CCDC6: variants seen among roughly 807,000 people sequenced by gnomAD.
The protein encoded by CCDC6 is coiled-coil domain containing 6.
CCDC6 carries 20 observed loss-of-function variants against 56.6 expected under a neutral mutation model. The ratio of observed to expected loss-of-function variants is 0.35; its 90% CI spans 0.25 to 0.51. The LOEUF is 0.51. Among genes scored for constraint, CCDC6 ranks in the 20% least tolerant of loss-of-function variants. The probability of loss-of-function intolerance (pLI) is 0.95; values close to 1 mark genes in which losing one functional copy is unlikely to be tolerated. For synonymous variants in CCDC6, 241 were observed against 234.4 expected, an observed-to-expected ratio of 1.03 and a Z score of -0.26; for missense variants, 367 against 601.1, an observed-to-expected ratio of 0.61 and a Z score of 4.07.
chr10:59,810,609 T>C (rs533742018), intron 5 of CCDC6, among the ~76,000 whole-genome samples: 7 of 152,298 alleles, frequency 4.6e-5, no homozygotes, highest in African/African-American at 1.4e-4. Context: ...TGAGAACTAT[T>C]TGATATATCT....
intron 3 of CCDC6, among the ~76,000 whole-genome samples, chr10:59,827,057 T>C (rs776045414): frequency 6.2e-4 from 94 of 152,248 alleles, no homozygotes; most frequent in Admixed American, 3.5e-3. Flanking sequence ...AAATACCTCA[T>C]AGCACAGACA....
chr10:59,793,541 T>C (rs1380582915), intron 8 of CCDC6, among the ~76,000 whole-genome samples: 1 of 152,162 alleles, frequency 6.6e-6, no homozygotes, highest in Non-Finnish European at 1.5e-5. Flanking sequence ...CCTAGCACTT[T>C]AGGAGGTAGA....
intron 3 of CCDC6, among the ~76,000 whole-genome samples, chr10:59,828,536 C>T (rs1456137953): frequency 1.3e-5 from 2 of 152,154 alleles, no homozygotes; most frequent in Non-Finnish European, 2.9e-5. Context: ...GATGACATTG[C>T]CTTTACTTTT....
chr10:59,801,233 T>C (rs942580388), intron 7 of CCDC6, among the ~76,000 whole-genome samples: 2 of 152,196 alleles, frequency 1.3e-5, no homozygotes, highest in South Asian at 4.1e-4. Flanking sequence ...CAGGCACTTT[T>C]CCTTCCTATT....
chr10:59,861,037 A>C (rs927426373), intron 1 of CCDC6, among the ~76,000 whole-genome samples: 11 of 152,122 alleles, frequency 7.2e-5, no homozygotes, highest in African/African-American at 2.7e-4. Flanking sequence ...TCTACTAAAA[A>C]TGCAAAAACT....
chr10:59,848,562 C>T (rs1564748022), intron 2 of CCDC6, among the ~76,000 whole-genome samples: 1 of 152,124 alleles, frequency 6.6e-6, no homozygotes, highest in Non-Finnish European at 1.5e-5. Flanking sequence ...CCTGTAATCC[C>T]AGCTACCTGG....
intron 2 of CCDC6, among the ~76,000 whole-genome samples, chr10:59,849,502 C>T (rs1198343190): frequency 6.6e-6 from 1 of 152,208 alleles, no homozygotes; most frequent in Non-Finnish European, 1.5e-5. Context: ...CAGGAAGGGA[C>T]ACGTCTCTTC....
chr10:59,793,027 G>T lies in CCDC6; in HGVS notation c.1315C>A (p.Gln439Lys). 1 of 1,613,916 alleles carries T rather than the reference G, an allele frequency of 6.2e-7. No individual in the cohort carries two copies. The highest frequency in any genetic ancestry group is 8.5e-7 in the Non-Finnish European group (1 of 1,179,810). Residue 439 changes from glutamine (Q) to lysine (K), a missense_variant, in exon 9 of 9, where the codon CAG becomes AAG. Gln to Lys is a moderately conservative substitution (Grantham distance 53). This residue lies in a region of CCDC6 where 54 missense variants were observed against 60.0 expected (regional missense o/e 0.90). Transcript: ENST00000263102. ...GGCGGAGGTGGAGGCGGAGGTGGCT[G>T]GACTGGGGTCTGTGTGTTGGGAGAT... ...PPSPNTQTPV[Q>K]PPPPPPPPPM...
chr10:59,832,534 T>C lies in CCDC6; in HGVS notation c.573A>G (p.Thr191=), dbSNP rs139198755. The part of the protein sequence containing the change: ...LENDTISKQL[T]LEQLRREKID... ...AGCTACAGGTGCTTACCTGTTCTAA[T>C]GTAAGTTGCTTAGAAATGGTGTCAT... Residue 191 remains threonine (T), a synonymous_variant, in exon 3 of 9, where the codon ACA becomes ACG. Transcript: ENST00000263102. 32 of 1,613,090 alleles carry C rather than the reference T, an allele frequency of 2.0e-5. No individual in the cohort carries two copies. The African/African-American group carries it at 2.9e-4, about 15-fold the overall frequency.
At chr10:59,871,884 A>G (rs535185601) in intron 1 of CCDC6, among the ~76,000 whole-genome samples, 3 of 152,346 alleles carry the variant, frequency 2.0e-5, no homozygotes, top group African/African-American at 7.2e-5. Flanking sequence ...CTGATTAAAT[A>G]TAAGGATACA....
chr10:59,811,133 C>G (rs2070669000), intron 5 of CCDC6, among the ~76,000 whole-genome samples: 1 of 152,198 alleles, frequency 6.6e-6, no homozygotes, highest in Non-Finnish European at 1.5e-5. Flanking sequence ...CATCTTAGAA[C>G]TGTAAGATGG....
At position 59,862,706 on chromosome 10, in the gene CCDC6, C is replaced by T. The variant is rs113267542; in HGVS notation, c.304-10004G>A. On this transcript the variant is annotated intron_variant, in intron 1 of 8. Coordinates refer to ENST00000263102, the MANE Select transcript of CCDC6 (RefSeq NM_005436.5). ...AAGTAGTTAAAAAGGTTTAAGATCA[C>T]AGTATCTGACATCCCAGATTGACAA... Among the ~76,000 whole-genome samples, 1,171 of 151,926 alleles carry T rather than the reference C, an allele frequency of 7.7e-3. 18 individuals are homozygous for T. Among genetic ancestry groups the T allele is most frequent in the African/African-American group, 0.027 (1,129 of 41,362 alleles).
chr10:59,824,020 C>A (rs563206093), intron 3 of CCDC6, among the ~76,000 whole-genome samples: 24 of 152,308 alleles, frequency 1.6e-4, no homozygotes, highest in African/African-American at 5.8e-4. Context: ...TCCTTTGACA[C>A]AGGAAATACA....
intron 5 of CCDC6, among the ~76,000 whole-genome samples, chr10:59,811,896 T>G (rs531168524): frequency 1.4e-4 from 22 of 152,284 alleles, no homozygotes; most frequent in African/African-American, 5.1e-4. Context: ...AAGGGTCAAC[T>G]GTATGTGTAT....
In CCDC6 at chr10:59,835,646, C is replaced by T. The variant is rs549217028; in HGVS notation, c.454-2993G>A. ...GACAGTGCTAAAACAAACAGTTCTG[C>T]TGCCTGCTTTGTTCTGCCACCTCAG... On this transcript the variant is annotated intron_variant, in intron 2 of 8. Coordinates refer to ENST00000263102, the MANE Select transcript of CCDC6 (RefSeq NM_005436.5). 1.2e-3 allele frequency among the ~76,000 whole-genome samples: 177 copies of T among 152,352 alleles called. 1 individual carries two copies. The highest frequency in any genetic ancestry group is 4.1e-3 in the African/African-American group (172 of 41,586).
At chr10:59,889,978 C>T (rs555038579) in intron 1 of CCDC6, among the ~76,000 whole-genome samples, 1 of 152,214 alleles carries the variant, frequency 6.6e-6, no homozygotes, top group Non-Finnish European at 1.5e-5. Context: ...TCTCTCTCAA[C>T]TCCACATGGT....
intron 6 of CCDC6, chr10:59,805,380 G>A: frequency 6.6e-6 from 1 of 150,828 alleles, no homozygotes. Flanking sequence ...ATTGTTCCTA[G>A]TAGGGAAAGT....
intron 7 of CCDC6, among the ~76,000 whole-genome samples, chr10:59,798,859 G>T (rs12261734): frequency 0.18 from 24,711 of 134,630 alleles, 2,578 homozygotes; most frequent in African/African-American, 0.34. Context: ...TGGGCGTGGT[G>T]GTTTGTGCTG....
At position 59,791,358 on chromosome 10, in the gene CCDC6, G is replaced by T. The variant is rs2070465752; in HGVS notation, c.*1559C>A. The T allele has an allele frequency of 5.0e-6, 1 of 198,424 alleles. No individual in the cohort carries two copies. The highest frequency in any genetic ancestry group is 1.0e-5 in the Non-Finnish European group (1 of 96,512). The allele number at this position is 198,424 out of a possible 1,614,324, so 12.3% of individuals were successfully genotyped here. On this transcript the variant is annotated 3_prime_UTR_variant, in exon 9 of 9. Transcript: ENST00000263102. ...CTAGTCAAACACTATTATCCAACAA[G>T]ACTTTTTTTTTTCATTCTGTTAACT...
Sources: allele counts gnomAD v4.1 joint callset (sites outside exome capture counted in the v4.1 genomes callset), GRCh38; gene constraint gnomAD v4.1.1; regional missense constraint gnomAD v4.1.1; transcripts MANE v1.5; gene names NCBI Gene and HGNC (gene_info 2026-07-23, HGNC 2026-07-21).